Variants in PCDHGA6 observed in about 807,000 individuals in gnomAD.
PCDHGA6 encodes the protein protocadherin gamma-A6.
In PCDHGA6, 41 loss-of-function variants were observed where a neutral mutation model predicts 60.6. That is an observed-to-expected ratio of 0.68 (90% CI 0.53 to 0.88). The LOEUF (loss-of-function observed/expected upper bound fraction) is 0.88, where lower values mean the gene tolerates loss of function less well. PCDHGA6 is among the 40% of genes least tolerant of loss of function. The pLI is 0.00. For missense variants in PCDHGA6, 1,312 were observed against 1,203.0 expected, an observed-to-expected ratio of 1.09 and a Z score of -1.34; for synonymous variants, 594 against 524.4, an observed-to-expected ratio of 1.13 and a Z score of -1.81.
At chr5:141,386,950 A>C (rs538175836) in intron 1 of PCDHGA6, among the ~76,000 whole-genome samples, 7 of 152,364 alleles carry the variant, frequency 4.6e-5, no homozygotes, top group Non-Finnish European at 8.8e-5. Context: ...GCAGTGCTTC[A>C]GTGCAGCAGA....
intron 1 of PCDHGA6, chr5:141,423,750 TGGGG>T: frequency 7.0e-5 from 20 of 287,406 alleles, no homozygotes; most frequent in Non-Finnish European, 9.0e-5. Context: ...GAAAACTGTT[TGGGG>T]GGGGGGTGGG....
At chr5:141,381,261 C>G (rs1221626643) in intron 1 of PCDHGA6, among the ~76,000 whole-genome samples, 2 of 152,248 alleles carry the variant, frequency 1.3e-5, no homozygotes, top group Non-Finnish European at 2.9e-5. Flanking sequence ...AATTTACAAA[C>G]CAAGACTGTT....
Position 141,501,330 on chromosome 5 carries a change from CA to C in PCDHGA6, c.2484-4062del, listed in dbSNP as rs1562200936. 1.8e-3 allele frequency among the ~76,000 whole-genome samples: 266 copies of C among 151,500 alleles called. 1 individual carries two copies. Among genetic ancestry groups the C allele is most frequent in the African/African-American group, 5.1e-3 (210 of 41,250 alleles). On this transcript the variant is annotated intron_variant, in intron 2 of 3. Transcript: ENST00000517434. ...ACACACACACACACACACACACACACACACCCCAAACTCAATAGGGCAAGAA... is the reference window on the plus strand; with the variant it reads ...ACACACACACACACACACACACACACCACCCCAAACTCAATAGGGCAAGAA...
chr5:141,408,694 A>T (rs2095152952), intron 1 of PCDHGA6: 1 of 1,613,772 alleles, frequency 6.2e-7, no homozygotes, highest in African/African-American at 1.3e-5. Flanking sequence ...ATATAAACAT[A>T]AACTCAATTA....
chr5:141,483,648 T>TTG (rs111458813), intron 1 of PCDHGA6, among the ~76,000 whole-genome samples: 1,883 of 149,700 alleles, frequency 0.013, 19 homozygotes, highest in African/African-American at 0.023. Flanking sequence ...GGGTGTGTGT[T>TTG]TGTGTGTGTG....
chr5:141,394,013 T>C, intron 1 of PCDHGA6: 1 of 1,613,384 alleles, frequency 6.2e-7, no homozygotes, highest in Non-Finnish European at 8.5e-7. Flanking sequence ...CAATAGGTAA[T>C]TATTATAGAT....
chr5:141,448,915 A>T (rs2098616551), intron 1 of PCDHGA6, among the ~76,000 whole-genome samples: 1 of 152,238 alleles, frequency 6.6e-6, no homozygotes. Context: ...ACTGCACTCC[A>T]GCCTGGGCGA....
intron 1 of PCDHGA6, chr5:141,393,901 G>T: frequency 6.2e-7 from 1 of 1,613,894 alleles, no homozygotes; most frequent in Non-Finnish European, 8.5e-7. Context: ...TCTCTTCCCG[G>T]GACAGTAATT....
intron 3 of PCDHGA6, among the ~76,000 whole-genome samples, chr5:141,505,875 T>C (rs991981462): frequency 2.6e-4 from 40 of 152,140 alleles, no homozygotes; most frequent in African/African-American, 9.2e-4. Flanking sequence ...AAAGGGTTGT[T>C]GTAGAGATTA....
In PCDHGA6 at chr5:141,422,942, G is replaced by T. The variant is rs199976232; in HGVS notation, c.2424+46435G>T. On this transcript the variant is annotated intron_variant, in intron 1 of 3. Transcript: ENST00000517434. Reference sequence around the variant, plus strand: ...CTGTACCCTGCCCTCCCCACAGACGGCTCCACTGGCGTGGAGCTGGCGCCC... The same window carrying T: ...CTGTACCCTGCCCTCCCCACAGACGTCTCCACTGGCGTGGAGCTGGCGCCC... The T allele has an allele frequency of 3.6e-4, 583 of 1,614,096 alleles. 1 individual carries two copies. Among genetic ancestry groups the T allele is most frequent in the South Asian group, 5.2e-4 (47 of 91,090 alleles).
rs770468191 is a variant in PCDHGA6, at chr5:141,478,296, A to G, written c.2425-16511A>G. On this transcript the variant is annotated intron_variant, in intron 1 of 3. Coordinates refer to ENST00000517434, the MANE Select transcript of PCDHGA6 (RefSeq NM_018919.3). ...AAGTGGAAGCAGTCTAGAGACCTAT[A>G]CCGAGCCCCGGTGAGCTCACTGTAC... is the stretch of plus-strand genomic sequence containing the variant. The G allele has an allele frequency of 9.3e-6, 15 of 1,613,962 alleles. No individual in the cohort carries two copies. Among genetic ancestry groups the G allele is most frequent in the African/African-American group, 6.7e-5 (5 of 74,930 alleles).
At chr5:141,413,189 G>C in intron 1 of PCDHGA6, 7 of 1,606,972 alleles carry the variant, frequency 4.4e-6, no homozygotes, top group Non-Finnish European at 6.0e-6. Context: ...GCCGCTCAAA[G>C]GAATCGCTCA....
At chr5:141,460,650 T>C (rs1264813071) in intron 1 of PCDHGA6, among the ~76,000 whole-genome samples, 2 of 152,094 alleles carry the variant, frequency 1.3e-5, no homozygotes, top group East Asian at 3.9e-4. Flanking sequence ...TGTTTACACA[T>C]ATGTAACTGT....
rs1012790217 is a variant in PCDHGA6 at position 141,432,087 on chromosome 5, C to T, written c.2424+55580C>T. On this transcript the variant is annotated intron_variant, in intron 1 of 3. Coordinates refer to ENST00000517434, the MANE Select transcript of PCDHGA6 (RefSeq NM_018919.3). This position sits in a 1 kb window ranked among gnomAD's most constrained non-coding sequence, Gnocchi z 6.0. ...GAAACTCATATCTCGCTGAACGTGG[C>T]AGACACCAACGACAACCCGCCGGTC... is the stretch of plus-strand genomic sequence containing the variant. The T allele has an allele frequency of 2.5e-6, 4 of 1,614,060 alleles. No homozygotes were observed. The African/African-American group carries it at 4.0e-5, about 16-fold the overall frequency.
chr5:141,489,211 A>G lies in PCDHGA6; in HGVS notation c.2425-5596A>G, dbSNP rs1206929838. On this transcript the variant is annotated intron_variant, in intron 1 of 3. Coordinates refer to ENST00000517434, the MANE Select transcript of PCDHGA6 (RefSeq NM_018919.3). This position sits in a 1 kb window ranked among gnomAD's most constrained non-coding sequence, Gnocchi z 4.5. The stretch of plus-strand genomic sequence containing the variant: ...CTACCTTGGAGACAGGACAGCACAG[A>G]CTTACTCTCCACAAAGGGACTTCTG... 2 of 1,462,498 alleles carry G rather than the reference A, an allele frequency of 1.4e-6. No individual in the cohort carries two copies. Among genetic ancestry groups the G allele is most frequent in the Non-Finnish European group, 1.8e-6 (2 of 1,081,560 alleles). The allele number at this position is 1,462,498 out of a possible 1,614,324, so 90.6% of individuals were successfully genotyped here. A position where few individuals can be genotyped will look rare whatever the true frequency, so the allele number is the denominator to read the frequency against.
chr5:141,469,855 G>T (rs1272105046), intron 1 of PCDHGA6, among the ~76,000 whole-genome samples: 4 of 152,186 alleles, frequency 2.6e-5, no homozygotes, highest in Non-Finnish European at 4.4e-5. Flanking sequence ...TTCAGACCGG[G>T]TGCAATGGCT....
chr5:141,446,594 A>G (rs571957656), intron 1 of PCDHGA6, among the ~76,000 whole-genome samples: 8 of 152,136 alleles, frequency 5.3e-5, no homozygotes, highest in African/African-American at 1.9e-4. Flanking sequence ...CTTCTGCCTC[A>G]GCCTCCTGAG....
intron 1 of PCDHGA6, among the ~76,000 whole-genome samples, chr5:141,483,767 T>C (rs2099586826): frequency 6.6e-6 from 1 of 151,840 alleles, no homozygotes; most frequent in Non-Finnish European, 1.5e-5. Flanking sequence ...CTTGGAAAAA[T>C]ATTGGGGAAG....
At position 141,383,195 on chromosome 5, in the gene PCDHGA6, G is replaced by A. The variant is rs765730698; in HGVS notation, c.2424+6688G>A. On this transcript the variant is annotated intron_variant, in intron 1 of 3. Transcript: ENST00000517434. ...GACCGGGAAGAGATCTGCGCTCAGA[G>A]TGCGCGGTGTCTGGTAAACTTTAAC... 18 of 1,614,044 alleles carry A rather than the reference G, an allele frequency of 1.1e-5. No homozygotes were observed. Among genetic ancestry groups the A allele is most frequent in the Non-Finnish European group, 1.5e-5 (18 of 1,179,940 alleles).
Sources: allele counts gnomAD v4.1 joint callset (sites outside exome capture counted in the v4.1 genomes callset), GRCh38; gene constraint gnomAD v4.1.1; non-coding constraint Gnocchi (gnomAD v3.1); transcripts MANE v1.5; gene names NCBI Gene and HGNC (gene_info 2026-07-23, HGNC 2026-07-21).